The following TENM2 variants were observed in gnomAD, a reference collection of about 807,000 sequenced individuals.
TENM2 encodes the protein teneurin-2.
A neutral mutation model predicts 245.2 loss-of-function variants in TENM2; 52 were observed. That is an observed-to-expected ratio of 0.21 (90% confidence interval 0.17 to 0.27). The LOEUF (loss-of-function observed/expected upper bound fraction) is 0.27, where lower values mean the gene tolerates loss of function less well. TENM2 is among the 10% of genes least tolerant of loss of function. The pLI is 1.00. For synonymous variants in TENM2, 1,363 were observed against 1,438.9 expected (o/e 0.95, Z 1.19); for missense variants, 3,046 against 3,666.8 (o/e 0.83, Z 4.37).
chr5:167,454,515 CTG>C (rs1040514811), intron 2 of TENM2, among the ~76,000 whole-genome samples: 7 of 151,368 alleles, frequency 4.6e-5, no homozygotes, highest in East Asian at 1.9e-4. Flanking sequence ...TTTCTCATCT[CTG>C]TGTGTGTGCA....
At chr5:167,635,305 A>G (rs138109842) in intron 2 of TENM2, among the ~76,000 whole-genome samples, 4 of 152,326 alleles carry the variant, frequency 2.6e-5, no homozygotes, top group South Asian at 2.1e-4. Context: ...TATTGTATCT[A>G]CGTAAGACTA....
rs151218245 is a variant in TENM2, at chr5:168,015,556, T to C, written c.1186+22374T>C. ...GCCGCAAAGAAGACTAAGGCACTTA[T>C]TCCATGTGCTGCGCCTCAAGGAGAA... On this transcript the variant is annotated intron_variant, in intron 5 of 28. Coordinates refer to ENST00000518659, the Ensembl canonical transcript of TENM2. Among the ~76,000 whole-genome samples the C allele has an allele frequency of 2.6e-3, 396 of 152,346 alleles. 1 individual carries two copies. The highest frequency in any genetic ancestry group is 8.9e-3 in the African/African-American group (369 of 41,586).
chr5:167,650,330 C>T (rs777371066), intron 2 of TENM2, among the ~76,000 whole-genome samples: 8 of 152,236 alleles, frequency 5.3e-5, no homozygotes, highest in South Asian at 4.1e-4. Flanking sequence ...GATGGGGTGT[C>T]GGTTCTTATA....
At chr5:167,767,553 C>T (rs948674754) in intron 2 of TENM2, among the ~76,000 whole-genome samples, 1 of 152,258 alleles carries the variant, frequency 6.6e-6, no homozygotes, top group Non-Finnish European at 1.5e-5. Flanking sequence ...AAATATAAAT[C>T]TTACATATAC....
intron 23 of TENM2, among the ~76,000 whole-genome samples, chr5:168,220,507 T>C (rs900823940): frequency 1.9e-4 from 29 of 152,368 alleles, no homozygotes; most frequent in Admixed American, 3.3e-4. Context: ...AACTGAATTT[T>C]TTTATCTTAA....
the TENM2 span, among the ~76,000 whole-genome samples, chr5:167,263,521 A>G: frequency 2.6e-5 from 4 of 152,108 alleles, no homozygotes; most frequent in Non-Finnish European, 4.4e-5. Context: ...ATTATTCTTT[A>G]TATCTCCTAC....
At chr5:167,450,400 ATGACCTCTCTCCTT>A (rs1765505990) in intron 2 of TENM2, among the ~76,000 whole-genome samples, 2 of 152,152 alleles carry the variant, frequency 1.3e-5, no homozygotes, top group South Asian at 4.1e-4. Flanking sequence ...TTGTCTGTTA[ATGACCTCTCTCCTT>A]CTAGAATATA....
intron 2 of TENM2, 35 bp downstream of exon 4, chr5:167,375,508 G>A: frequency 6.5e-7 from 1 of 1,541,414 alleles, no homozygotes; most frequent in Non-Finnish European, 8.8e-7. Flanking sequence ...TTAACGTTCT[G>A]TGCACTGCAC....
At chr5:167,543,494 A>G (rs1398687240) in intron 2 of TENM2, among the ~76,000 whole-genome samples, 1 of 152,184 alleles carries the variant, frequency 6.6e-6, no homozygotes, top group Non-Finnish European at 1.5e-5. Context: ...ATAATATAAT[A>G]GACTTAATGC....
intron 2 of TENM2, among the ~76,000 whole-genome samples, chr5:167,866,107 G>T (rs1243374969): frequency 6.6e-6 from 1 of 152,192 alleles, no homozygotes; most frequent in Admixed American, 6.5e-5. Context: ...AATGATGAAA[G>T]TATGTCCTGG....
intron 2 of TENM2, among the ~76,000 whole-genome samples, chr5:167,669,425 A>G (rs1755786793): frequency 6.6e-6 from 1 of 152,168 alleles, no homozygotes. Flanking sequence ...TAAGAGGGAA[A>G]CTCATCAGAC....
intron 2 of TENM2, among the ~76,000 whole-genome samples, chr5:167,761,108 T>G (rs1762635725): frequency 6.6e-6 from 1 of 152,196 alleles, no homozygotes; most frequent in African/African-American, 2.4e-5. Context: ...CTCTTCTGTC[T>G]TTTGTAAAAA....
At chr5:168,203,403 T>C (rs1307177045) in intron 17 of TENM2, among the ~76,000 whole-genome samples, 1 of 152,186 alleles carries the variant, frequency 6.6e-6, no homozygotes. Flanking sequence ...CCTCCCTCCA[T>C]GTCACCAGGG....
chr5:167,441,000 C>T (rs1582054961), intron 2 of TENM2, among the ~76,000 whole-genome samples: 1 of 152,136 alleles, frequency 6.6e-6, no homozygotes, highest in East Asian at 1.9e-4. Context: ...TTGCTAACCT[C>T]CTCCCCAACT....
chr5:167,358,365 C>A lies in TENM2; in HGVS notation c.227-16833C>A, dbSNP rs532339154. On this transcript the variant is annotated intron_variant, in intron 1 of 28. Transcript: ENST00000518659. Reference sequence around the variant, plus strand: ...CTTAATGACCCATCAGCAACATTTGCAACAGTTAATCACTCCCTCCTCTTT... The same window carrying A: ...CTTAATGACCCATCAGCAACATTTGAAACAGTTAATCACTCCCTCCTCTTT... 2.4e-4 allele frequency among the ~76,000 whole-genome samples: 36 copies of A among 152,246 alleles called. No homozygotes were observed. The South Asian group carries it at 5.4e-3, about 23-fold the overall frequency.
intron 2 of TENM2, among the ~76,000 whole-genome samples, chr5:167,426,147 C>T (rs773212824): frequency 6.6e-6 from 1 of 152,132 alleles, no homozygotes; most frequent in African/African-American, 2.4e-5. Flanking sequence ...GAGTATGCTG[C>T]AGTCATTCTC....
At chr5:167,368,378 AT>A (rs1376942932) in intron 1 of TENM2, among the ~76,000 whole-genome samples, 1 of 152,110 alleles carries the variant, frequency 6.6e-6, no homozygotes, top group Admixed American at 6.6e-5. Context: ...ACCACATTAT[AT>A]CCTTCCCTTT....
the TENM2 span, among the ~76,000 whole-genome samples, chr5:167,100,761 C>T: frequency 6.6e-6 from 1 of 151,996 alleles, no homozygotes; most frequent in African/African-American, 2.4e-5. Context: ...AAATGCTTCC[C>T]TTGTATATCT....
chr5:167,727,741 C>T (rs928843447), intron 2 of TENM2, among the ~76,000 whole-genome samples: 2 of 152,186 alleles, frequency 1.3e-5, no homozygotes, highest in African/African-American at 4.8e-5. Flanking sequence ...TTTACTACAG[C>T]ACCATTATGC....
Sources: gnomAD v4.1 joint callset for allele counts (sites outside exome capture counted in the v4.1 genomes callset) on GRCh38, gnomAD v4.1.1 for gene constraint, MANE v1.5 for transcripts, NCBI Gene and HGNC (gene_info 2026-07-23, HGNC 2026-07-21) for gene names.